Variants in MKLN1 observed in about 807,000 individuals in gnomAD.
The protein encoded by MKLN1 is muskelin 1.
MKLN1 carries 18 observed loss-of-function variants against 99.0 expected under a neutral mutation model. The observed-to-expected ratio is 0.18, with a 90% CI of 0.13 to 0.27. The LOEUF (loss-of-function observed/expected upper bound fraction) is 0.27. Among genes scored for constraint, MKLN1 ranks in the 10% least tolerant of loss-of-function variants. The pLI, the probability that MKLN1 is intolerant of heterozygous loss-of-function variation, is 1.00. For synonymous variants in MKLN1, 288 were observed against 293.2 expected, an observed-to-expected ratio of 0.98 and a Z score of 0.18; for missense variants, 621 against 875.9, an observed-to-expected ratio of 0.71 and a Z score of 3.67.
At chr7:131,388,017 AT>A (rs1231415779) in intron 3 of MKLN1, among the ~76,000 whole-genome samples, 1 of 152,076 alleles carries the variant, frequency 6.6e-6, no homozygotes, top group African/African-American at 2.4e-5. Flanking sequence ...AAATGCAAAG[AT>A]TAGCTGGACA....
chr7:131,277,637 A>G (rs1039968594), intron 3 of MKLN1, among the ~76,000 whole-genome samples: 1 of 152,064 alleles, frequency 6.6e-6, no homozygotes, highest in African/African-American at 2.4e-5. Context: ...GCTGGTCTCA[A>G]ACTCTTGACC....
chr7:131,321,843 G>A (rs1798782329), intron 3 of MKLN1, among the ~76,000 whole-genome samples: 1 of 152,140 alleles, frequency 6.6e-6, no homozygotes, highest in South Asian at 2.1e-4. Flanking sequence ...TCAAAGAAAG[G>A]GAAGTTTCAC....
intron 1 of MKLN1, among the ~76,000 whole-genome samples, chr7:131,353,661 T>G (rs1260692805): frequency 6.6e-6 from 1 of 152,078 alleles, no homozygotes; most frequent in African/African-American, 2.4e-5. Context: ...TTTTATACAT[T>G]TTGCTTTTTG....
intron 8 of MKLN1, among the ~76,000 whole-genome samples, chr7:131,420,944 A>G (rs762254849): frequency 1.3e-5 from 2 of 152,176 alleles, no homozygotes; most frequent in East Asian, 3.8e-4. Flanking sequence ...TGATAAGTAG[A>G]TCAGGTTATT....
rs375434489 is a variant in MKLN1, at chr7:131,328,048, G to C, written c.98+51G>C. The C allele has an allele frequency of 2.5e-6, 4 of 1,586,484 alleles. No homozygotes were observed. The African/African-American group carries it at 5.4e-5, about 21-fold the overall frequency. On this transcript the variant is annotated intron_variant, in intron 1 of 17. Coordinates refer to ENST00000352689, the MANE Select transcript of MKLN1 (RefSeq NM_013255.5). ...CTGCCCCACCCTTCCGCGTCAGCAC[G>C]GTTGGGCCAGGGGTGCAATGGAGGG...
Position 131,218,163 on chromosome 7 carries a change from C to T in MKLN1, c.-179+15189C>T, listed in dbSNP as rs116055247. 5.3e-3 allele frequency among the ~76,000 whole-genome samples: 803 copies of T among 152,126 alleles called. 7 individuals carry two copies. Among genetic ancestry groups the T allele is most frequent in the African/African-American group, 0.017 (724 of 41,492 alleles). On this transcript the variant is annotated intron_variant, in intron 3 of 7. Transcript: ENST00000416992. ...TCTGAGTGGTGCCAGTTGGTTCATA[C>T]GGAATACAAGGTCTGAAAAATATCT... is the stretch of plus-strand genomic sequence containing the variant.
intron 7 of MKLN1, among the ~76,000 whole-genome samples, chr7:131,412,587 A>C (rs1794911505): frequency 6.6e-6 from 1 of 152,200 alleles, no homozygotes; most frequent in Admixed American, 6.5e-5. Context: ...ATTTGCTTCT[A>C]ATAAAGACTG....
At chr7:131,403,453 C>T (rs2116276437) in intron 6 of MKLN1, among the ~76,000 whole-genome samples, 1 of 152,288 alleles carries the variant, frequency 6.6e-6, no homozygotes, top group Non-Finnish European at 1.5e-5. Flanking sequence ...GCTTTCTTAT[C>T]AGTCATGGGT....
chr7:131,283,528 G>A (rs993463517), intron 3 of MKLN1, among the ~76,000 whole-genome samples: 5 of 149,932 alleles, frequency 3.3e-5, no homozygotes, highest in Non-Finnish European at 5.9e-5. Context: ...TTGACCTCCT[G>A]GGCTCAGGTG....
At chr7:131,230,106 T>G (rs761824868) in intron 3 of MKLN1, among the ~76,000 whole-genome samples, 1 of 152,228 alleles carries the variant, frequency 6.6e-6, no homozygotes, top group Non-Finnish European at 1.5e-5. Context: ...TTCTGTGGTT[T>G]GTAGGGTGTG....
intron 1 of MKLN1, among the ~76,000 whole-genome samples, chr7:131,132,947 A>AGAAAGAAAGAAAGAAAGAAAGAAAGAAAG (rs1182285897): frequency 1.8e-5 from 1 of 56,604 alleles, no homozygotes; most frequent in African/African-American, 7.8e-5. Context: ...AAAAAAAAAA[A>AGAAAGAAAGAAAGAAAGAAAGAAAGAAAG]AAAGAAAGAA....
At chr7:131,285,588 T>A (rs1584891123) in intron 3 of MKLN1, among the ~76,000 whole-genome samples, 1 of 152,314 alleles carries the variant, frequency 6.6e-6, no homozygotes, top group East Asian at 1.9e-4. Flanking sequence ...AATACATGGA[T>A]GCAAATTAGG....
chr7:131,388,418 G>A (rs549405299), intron 3 of MKLN1, among the ~76,000 whole-genome samples: 10 of 152,192 alleles, frequency 6.6e-5, no homozygotes, highest in African/African-American at 2.4e-4. Flanking sequence ...GAGTAAGGTT[G>A]GCTTTGAAAA....
intron 16 of MKLN1, among the ~76,000 whole-genome samples, chr7:131,473,159 TA>T (rs1002017717): frequency 3.9e-5 from 6 of 152,184 alleles, no homozygotes; most frequent in African/African-American, 7.2e-5. Context: ...AATCCTCTGG[TA>T]ACAGTTCACA....
At chr7:131,290,426 T>C (rs1798200388) in intron 3 of MKLN1, among the ~76,000 whole-genome samples, 1 of 152,202 alleles carries the variant, frequency 6.6e-6, no homozygotes. Context: ...TTTTCACCTA[T>C]CTCTCCCAAC....
chr7:131,242,864 G>A (rs920099302), intron 3 of MKLN1: 13 of 664,078 alleles, frequency 2.0e-5, no homozygotes, highest in Non-Finnish European at 2.6e-5. Flanking sequence ...ATATCCCCTT[G>A]GACAAAACTG....
At chr7:131,276,050 T>C (rs1797970324) in intron 3 of MKLN1, among the ~76,000 whole-genome samples, 3 of 152,184 alleles carry the variant, frequency 2.0e-5, no homozygotes, top group African/African-American at 7.2e-5. Context: ...CTGTGTCGTC[T>C]TCACACATTC....
At chr7:131,432,533 C>T (rs567978412) in intron 9 of MKLN1, among the ~76,000 whole-genome samples, 8 of 152,210 alleles carry the variant, frequency 5.3e-5, no homozygotes, top group South Asian at 2.1e-4. Flanking sequence ...TAAAAACCTC[C>T]GCCTCCCGGG....
chr7:131,315,255 G>T (rs1032073611), intron 3 of MKLN1, among the ~76,000 whole-genome samples: 1 of 151,964 alleles, frequency 6.6e-6, no homozygotes, highest in Non-Finnish European at 1.5e-5. Context: ...GACAGTGGGT[G>T]CAACCCATGG....
Sources: gnomAD v4.1 joint callset for allele counts (sites outside exome capture counted in the v4.1 genomes callset) on GRCh38, gnomAD v4.1.1 for gene constraint, MANE v1.5 for transcripts, NCBI Gene and HGNC (gene_info 2026-07-23, HGNC 2026-07-21) for gene names.